HCN1: variants seen among roughly 807,000 people sequenced by gnomAD.
HCN1 encodes the protein potassium/sodium hyperpolarization-activated cyclic nucleotide-gated channel 1.
HCN1 carries 13 observed loss-of-function variants against 78.9 expected under a neutral mutation model. The ratio of observed to expected loss-of-function variants is 0.16; its 90% confidence interval spans 0.11 to 0.26. The LOEUF is 0.26. Ranked by LOEUF, HCN1 falls within the 10% of genes least tolerant of loss-of-function variation. The probability of loss-of-function intolerance (pLI) is 1.00; values close to 1 mark genes in which losing one functional copy is unlikely to be tolerated. For missense variants in HCN1, 810 were observed against 1,154.3 expected (o/e 0.70, Z 4.32); for synonymous variants, 552 against 455.5 (o/e 1.21, Z -2.70).
chr5:45,308,068 C>T (rs530283826), intron 5 of HCN1, among the ~76,000 whole-genome samples: 24 of 151,998 alleles, frequency 1.6e-4, no homozygotes, highest in Middle Eastern at 3.2e-3. Context: ...TGGTGCTGTC[C>T]TTGAGTTAAT....
At chr5:45,557,425 T>A (rs1743493568) in intron 2 of HCN1, among the ~76,000 whole-genome samples, 1 of 152,148 alleles carries the variant, frequency 6.6e-6, no homozygotes, top group Non-Finnish European at 1.5e-5. Context: ...GAATAAAAAG[T>A]TTTATTTCAT....
intron 5 of HCN1, among the ~76,000 whole-genome samples, chr5:45,339,365 G>T (rs1275748061): frequency 6.6e-6 from 1 of 152,174 alleles, no homozygotes; most frequent in Non-Finnish European, 1.5e-5. Context: ...ATGCTTACAG[G>T]AAAGTAGAAG....
At chr5:45,580,120 T>C (rs1286357614) in intron 2 of HCN1, among the ~76,000 whole-genome samples, 2 of 152,084 alleles carry the variant, frequency 1.3e-5, no homozygotes, top group East Asian at 3.9e-4. Flanking sequence ...TCCTATGTCC[T>C]ACTCCCTGGA....
At chr5:45,359,427 A>G (rs1195273537) in intron 4 of HCN1, among the ~76,000 whole-genome samples, 1 of 150,466 alleles carries the variant, frequency 6.6e-6, no homozygotes, top group Non-Finnish European at 1.5e-5. Flanking sequence ...ATATATATAT[A>G]TATATATCAC....
intron 2 of HCN1, chr5:45,642,450 T>G (rs1745473194): frequency 6.6e-6 from 1 of 150,598 alleles, no homozygotes; most frequent in South Asian, 2.1e-4. Flanking sequence ...ACTAATTCAG[T>G]CCAGAAAAAA....
chr5:45,294,423 T>C (rs899713416), intron 6 of HCN1, among the ~76,000 whole-genome samples: 2 of 151,970 alleles, frequency 1.3e-5, no homozygotes, highest in African/African-American at 2.4e-5. Flanking sequence ...TCCTTTCTCA[T>C]GGGTTTGTTT....
At chr5:45,263,804 T>G (rs940121911) in intron 7 of HCN1, among the ~76,000 whole-genome samples, 2 of 152,018 alleles carry the variant, frequency 1.3e-5, no homozygotes, top group East Asian at 1.9e-4. Context: ...TATTTATTTA[T>G]TTTTTTGAGA....
chr5:45,636,059 T>G (rs1454236368), intron 2 of HCN1, among the ~76,000 whole-genome samples: 2 of 152,210 alleles, frequency 1.3e-5, no homozygotes, highest in Admixed American at 1.3e-4. Flanking sequence ...TTTAACATTT[T>G]CATCAGAGAT....
intron 6 of HCN1, among the ~76,000 whole-genome samples, chr5:45,299,956 A>G (rs998355726): frequency 5.3e-5 from 8 of 151,990 alleles, no homozygotes; most frequent in African/African-American, 1.9e-4. Flanking sequence ...AATAGTTTTT[A>G]TCTCAGAAAT....
At chr5:45,375,804 T>A (rs1245823018) in intron 4 of HCN1, among the ~76,000 whole-genome samples, 58 of 114,590 alleles carry the variant, frequency 5.1e-4, no homozygotes, top group African/African-American at 2.1e-3. Flanking sequence ...ATGATATATC[T>A]TATATATAAT....
At chr5:45,399,701 CAT>C (rs1270605576) in intron 3 of HCN1, among the ~76,000 whole-genome samples, 1 of 150,524 alleles carries the variant, frequency 6.6e-6, no homozygotes. Flanking sequence ...TGGAACTGCA[CAT>C]AGTTGCTAAA....
In HCN1 at chr5:45,262,103, C is replaced by T. The variant is rs780209007; in HGVS notation, c.2491G>A (p.Gly831Ser). 10 of 1,612,668 alleles carry T rather than the reference C, an allele frequency of 6.2e-6. No homozygotes were observed. In the Middle Eastern group the frequency reaches 6.6e-4, roughly 106 times the overall value. Residue 831 changes from glycine (G) to serine (S), a missense_variant, in exon 8 of 8, where the codon GGC (glycine) becomes AGC (serine). Coordinates refer to ENST00000303230, the MANE Select transcript of HCN1 (RefSeq NM_021072.4). The stretch of plus-strand genomic sequence containing the variant: ...ACGCGCTGCGGGACAGTGCTCCTGC[C>T]CCCTGCCTGAAGGCCCGTTCCGGGG... The part of the protein sequence containing the change: ...AVPGTGLQAG[G>S]RSTVPQRVTL...
intron 7 of HCN1, among the ~76,000 whole-genome samples, chr5:45,264,517 T>C (rs968725421): frequency 7.9e-5 from 12 of 152,228 alleles, no homozygotes; most frequent in African/African-American, 2.4e-4. Flanking sequence ...TGTAATTTCA[T>C]TGACTGCTAG....
chr5:45,442,320 T>C (rs1740693755), intron 3 of HCN1, among the ~76,000 whole-genome samples: 1 of 152,064 alleles, frequency 6.6e-6, no homozygotes, highest in Non-Finnish European at 1.5e-5. Flanking sequence ...TGAGACAAGA[T>C]ACCAACATAT....
At chr5:45,658,147 T>C (rs955524522) in intron 1 of HCN1, among the ~76,000 whole-genome samples, 13 of 152,258 alleles carry the variant, frequency 8.5e-5, no homozygotes, top group South Asian at 6.2e-4. Flanking sequence ...AAAGGATTCC[T>C]TATTTAATAA....
chr5:45,599,555 A>G (rs1389890562), intron 2 of HCN1, among the ~76,000 whole-genome samples: 1 of 152,062 alleles, frequency 6.6e-6, no homozygotes, highest in Non-Finnish European at 1.5e-5. Flanking sequence ...AGATAAAGTC[A>G]CCTCTTTCAG....
chr5:45,325,033 G>T (rs917852050), intron 5 of HCN1, among the ~76,000 whole-genome samples: 1 of 151,680 alleles, frequency 6.6e-6, no homozygotes, highest in Non-Finnish European at 1.5e-5. Flanking sequence ...GAAGAAGTTT[G>T]TAGGTACAAT....
chr5:45,378,437 T>A (rs1393395404), intron 4 of HCN1, among the ~76,000 whole-genome samples: 1 of 152,128 alleles, frequency 6.6e-6, no homozygotes. Flanking sequence ...TAACCGTATA[T>A]GTTCCATGTG....
At chr5:45,640,044 T>A (rs558308812) in intron 2 of HCN1, among the ~76,000 whole-genome samples, 1 of 152,252 alleles carries the variant, frequency 6.6e-6, no homozygotes, top group East Asian at 1.9e-4. Flanking sequence ...TTCTCCAGAT[T>A]CAAAATTCAG....
Sources: allele counts gnomAD v4.1 joint callset (sites outside exome capture counted in the v4.1 genomes callset), GRCh38; gene constraint gnomAD v4.1.1; transcripts MANE v1.5; gene names NCBI Gene and HGNC (gene_info 2026-07-23, HGNC 2026-07-21).